Variants in C1orf87 observed in about 807,000 individuals in gnomAD.
C1orf87 encodes the protein uncharacterized protein C1orf87.
In C1orf87, 58 loss-of-function variants were observed where a neutral mutation model predicts 60.5. That is an observed-to-expected ratio of 0.96 (90% CI 0.78 to 1.19). The LOEUF is 1.19. Among genes scored for constraint, C1orf87 ranks in the 50% most tolerant of loss-of-function variants. The pLI is 0.00. For synonymous variants in C1orf87, 236 were observed against 227.4 expected (o/e 1.04, Z -0.34); for missense variants, 673 against 638.6 (o/e 1.05, Z -0.58).
At position 59,997,752 on chromosome 1, in the gene C1orf87, G is replaced by A. The variant is rs567945220; in HGVS notation, c.1337C>T (p.Pro446Leu). ...SPAETSACKDPLKPLKIRPVS... is the reference protein window; with the variant it reads ...SPAETSACKDLLKPLKIRPVS... Reference sequence around the variant, plus strand: ...TGGCCTGATCTTTAAAGGTTTCAGAGGATCTTTGCAGGCTGAAGTTTCAGC... The same window carrying A: ...TGGCCTGATCTTTAAAGGTTTCAGAAGATCTTTGCAGGCTGAAGTTTCAGC... Residue 446 changes from proline (P) to leucine (L), a missense_variant, in exon 11 of 12, where the codon CCT (proline) becomes CTT (leucine). Transcript: ENST00000371201. 58 of 1,613,932 alleles carry A rather than the reference G, an allele frequency of 3.6e-5. No homozygotes were observed. The highest frequency in any genetic ancestry group is 4.6e-5 in the Non-Finnish European group (54 of 1,179,894).
chr1:60,034,716 T>C (rs1348149145), intron 6 of C1orf87, among the ~76,000 whole-genome samples: 1 of 152,182 alleles, frequency 6.6e-6, no homozygotes, highest in African/African-American at 2.4e-5. Flanking sequence ...TACTTATTCA[T>C]AGTGCTTTGT....
intron 3 of C1orf87, among the ~76,000 whole-genome samples, chr1:60,053,715 T>G (rs958704743): frequency 1.3e-5 from 2 of 152,212 alleles, no homozygotes; most frequent in Non-Finnish European, 2.9e-5. Context: ...GATATTTTTC[T>G]TCTTATTTAT....
At chr1:60,036,967 T>G (rs1443573416) in intron 6 of C1orf87, among the ~76,000 whole-genome samples, 1 of 152,196 alleles carries the variant, frequency 6.6e-6, no homozygotes, top group Non-Finnish European at 1.5e-5. Flanking sequence ...CAATCATTTC[T>G]TATTTCATAA....
At chr1:60,053,546 T>C (rs1272526957) in intron 3 of C1orf87, among the ~76,000 whole-genome samples, 1 of 151,584 alleles carries the variant, frequency 6.6e-6, no homozygotes, top group Non-Finnish European at 1.5e-5. Context: ...AGATGATGCG[T>C]AGGATGATTT....
chr1:60,014,818 T>C (rs1645114424), intron 8 of C1orf87, among the ~76,000 whole-genome samples: 1 of 152,178 alleles, frequency 6.6e-6, no homozygotes, highest in South Asian at 2.1e-4. Context: ...CTGCTCCTTA[T>C]CTCTGAAATA....
chr1:60,023,552 G>GC (rs1645178325), intron 8 of C1orf87, among the ~76,000 whole-genome samples: 1 of 151,882 alleles, frequency 6.6e-6, no homozygotes, highest in Non-Finnish European at 1.5e-5. Context: ...AGATTTTATA[G>GC]AAAAAAATTT....
intron 9 of C1orf87, among the ~76,000 whole-genome samples, chr1:60,001,583 G>A (rs1379431065): frequency 6.6e-6 from 1 of 152,000 alleles, no homozygotes; most frequent in African/African-American, 2.4e-5. Flanking sequence ...AGGCAAAGAT[G>A]ATGATGGTGA....
chr1:60,025,618 A>T, intron 7 of C1orf87, 120 bp from the exon 8 acceptor site: 3 of 747,092 alleles, frequency 4.0e-6, no homozygotes, highest in Non-Finnish European at 6.2e-6. Flanking sequence ...TTTGACAAAG[A>T]ATTAATACCC....
Position 59,990,826 on chromosome 1 carries a change from C to T in C1orf87, c.1488G>A (p.Leu496=). The change falls in exon 12 of 12, where the codon CTG becomes CTA. Residue 496 remains leucine (L), a synonymous_variant. Transcript: ENST00000371201. ...YLCDLSNTGV[L]EKERARRLIH... is the part of the protein sequence containing the mutation. ...TGAGGCGTCTGGCTCGTTCCTTCTC[C>T]AGAACTCCTGTGATTGGATTGGGTA... 2 of 1,613,864 alleles carry T rather than the reference C, an allele frequency of 1.2e-6. No individual in the cohort carries two copies. The highest frequency in any genetic ancestry group is 1.7e-6 in the Non-Finnish European group (2 of 1,179,872).
chr1:60,065,276 T>C (rs1645537925), intron 2 of C1orf87, among the ~76,000 whole-genome samples: 1 of 151,368 alleles, frequency 6.6e-6, no homozygotes, highest in Non-Finnish European at 1.5e-5. Context: ...CTCTTTTTCT[T>C]GAGCAGGGGA....
intron 7 of C1orf87, among the ~76,000 whole-genome samples, chr1:60,032,102 T>A (rs1244918764): frequency 1.3e-5 from 2 of 152,220 alleles, no homozygotes; most frequent in Non-Finnish European, 2.9e-5. Context: ...GAACTCATTT[T>A]CAGCATATCA....
intron 7 of C1orf87, among the ~76,000 whole-genome samples, chr1:60,031,905 C>T (rs192666500): frequency 4.2e-4 from 64 of 151,840 alleles, no homozygotes; most frequent in African/African-American, 1.5e-3. Context: ...AAGTAAAGGC[C>T]CCATGTGCTG....
rs561783913 is a variant in C1orf87, at chr1:59,990,736, G to C, written c.1578C>G (p.Arg526=). The part of the protein sequence containing the change: ...LSPQKIDQAL[R]RFRSGENMLL... The stretch of plus-strand genomic sequence containing the variant: ...GCATATTTTCTCCCGAACGGAATCT[G>C]CGCAAGGCCTGGTCGATTTTCTGAG... Residue 526 remains arginine (R), a synonymous_variant, in exon 12 of 12, where the codon CGC becomes CGG. Coordinates refer to ENST00000371201, the MANE Select transcript of C1orf87 (RefSeq NM_152377.3). 3 of 1,614,118 alleles carry C rather than the reference G, an allele frequency of 1.9e-6. No homozygotes were observed. In the South Asian group the frequency reaches 3.3e-5, roughly 18 times the overall value.
At chr1:60,068,455 C>T (rs953533193) in intron 2 of C1orf87, among the ~76,000 whole-genome samples, 8 of 152,154 alleles carry the variant, frequency 5.3e-5, no homozygotes, top group African/African-American at 1.9e-4. Flanking sequence ...CAGGGTCACA[C>T]ACACAAATCC....
chr1:60,034,572 A>G (rs1645262062), intron 6 of C1orf87, among the ~76,000 whole-genome samples: 1 of 152,202 alleles, frequency 6.6e-6, no homozygotes. Flanking sequence ...TTGCTGCATT[A>G]CTGATTTCCC....
intron 8 of C1orf87, among the ~76,000 whole-genome samples, chr1:60,012,968 A>G (rs1645099689): frequency 6.6e-6 from 1 of 152,152 alleles, no homozygotes; most frequent in Non-Finnish European, 1.5e-5. Flanking sequence ...TTTTTGCAGA[A>G]GTCTGATGTC....
chr1:59,993,084 G>GA (rs1022615913), intron 11 of C1orf87, among the ~76,000 whole-genome samples: 1 of 151,922 alleles, frequency 6.6e-6, no homozygotes, highest in South Asian at 2.1e-4. Flanking sequence ...ATGACTGTAA[G>GA]AAAAAAAATG....
At chr1:60,020,370 C>T (rs143238529) in intron 8 of C1orf87, among the ~76,000 whole-genome samples, 8 of 152,242 alleles carry the variant, frequency 5.3e-5, no homozygotes, top group Non-Finnish European at 1.2e-4. Flanking sequence ...AGCTTGCAAC[C>T]GTGTGCTTGG....
chr1:60,027,120 G>A (rs980332085), intron 7 of C1orf87, among the ~76,000 whole-genome samples: 1 of 152,176 alleles, frequency 6.6e-6, no homozygotes, highest in Non-Finnish European at 1.5e-5. Flanking sequence ...TCAGTCTAGT[G>A]CCTGTATTAA....
Sources: gnomAD v4.1 joint callset for allele counts (sites outside exome capture counted in the v4.1 genomes callset) on GRCh38, gnomAD v4.1.1 for gene constraint, MANE v1.5 for transcripts, NCBI Gene and HGNC (gene_info 2026-07-23, HGNC 2026-07-21) for gene names.